The following TANK variants were observed in gnomAD, a reference collection of about 807,000 sequenced individuals.
TANK encodes the protein TRAF family member-associated NF-kappa-B activator.
TANK carries 15 observed loss-of-function variants against 43.6 expected under a neutral mutation model. The ratio of observed to expected loss-of-function variants is 0.34; its 90% CI spans 0.23 to 0.53. The LOEUF is 0.53. TANK is among the 20% of genes least tolerant of loss of function. The pLI, the probability that TANK is intolerant of heterozygous loss-of-function variation, is 0.94. For missense variants in TANK, 417 were observed against 498.6 expected, an observed-to-expected ratio of 0.84 and a Z score of 1.56; for synonymous variants, 162 against 178.2, an observed-to-expected ratio of 0.91 and a Z score of 0.73.
chr2:161,197,426 G>C (rs1302892727), intron 2 of TANK: 1 of 152,208 alleles, frequency 6.6e-6, no homozygotes, highest in Non-Finnish European at 1.5e-5. Flanking sequence ...AAATGACTGA[G>C]AGATCTGGCT....
intron 1 of TANK, among the ~76,000 whole-genome samples, chr2:161,178,986 C>T (rs1685298948): frequency 6.6e-6 from 1 of 152,204 alleles, no homozygotes; most frequent in South Asian, 2.1e-4. Flanking sequence ...GAGCAAATCA[C>T]CTGTATTCAG....
At chr2:161,223,780 G>T in intron 4 of TANK, 135 bp from the exon 5 acceptor site, 1 of 516,986 alleles carries the variant, frequency 1.9e-6, no homozygotes, top group East Asian at 3.0e-5. Flanking sequence ...ATTACATATA[G>T]GTCTATAAGC....
chr2:161,176,329 G>T (rs1362318993), intron 1 of TANK, among the ~76,000 whole-genome samples: 3 of 152,098 alleles, frequency 2.0e-5, no homozygotes, highest in Non-Finnish European at 4.4e-5. Context: ...CAGTGTTGCT[G>T]ATCTAACACC....
chr2:161,231,376 C>T lies in TANK; in HGVS notation c.926C>T (p.Thr309Ile). Residue 309 changes from threonine (T) to isoleucine (I), a missense_variant, in exon 7 of 8, where the codon ACA (threonine) becomes ATA (isoleucine). Physicochemically the swap from Thr to Ile is moderately conservative, Grantham distance 89. Coordinates refer to ENST00000392749, the MANE Select transcript of TANK (RefSeq NM_001199135.3). ...CAAAACCTTAAAACAACTGACAAAA[C>T]AAAGCCCTCAAATCTCGTAAACACT... Reference protein sequence around the residue: ...AIQNLKTTDKTKPSNLVNTCI... With the variant: ...AIQNLKTTDKIKPSNLVNTCI... 1 of 1,614,164 alleles carries T rather than the reference C, an allele frequency of 6.2e-7. No individual in the cohort carries two copies. The highest frequency in any genetic ancestry group is 1.1e-5 in the South Asian group (1 of 91,086).
At chr2:161,203,696 G>T in intron 3 of TANK, 101 bp downstream of exon 3, 1 of 687,974 alleles carries the variant, frequency 1.5e-6, no homozygotes, top group Non-Finnish European at 2.5e-6. Flanking sequence ...TTTCTCAATA[G>T]TTTTGATATT....
At chr2:161,188,323 C>G (rs1311356356) in intron 2 of TANK, among the ~76,000 whole-genome samples, 1 of 151,814 alleles carries the variant, frequency 6.6e-6, no homozygotes, top group Non-Finnish European at 1.5e-5. Context: ...AGAGGGAAGA[C>G]AAATAACTAA....
At chr2:161,198,838 A>G (rs1686274985) in intron 2 of TANK, among the ~76,000 whole-genome samples, 2 of 152,198 alleles carry the variant, frequency 1.3e-5, no homozygotes, top group Admixed American at 6.5e-5. Flanking sequence ...TAGATTGGAA[A>G]TCTGATCTGT....
At chr2:161,161,011 T>C (rs1391287174) in intron 1 of TANK, 7 of 486,198 alleles carry the variant, frequency 1.4e-5, no homozygotes, top group South Asian at 2.3e-5. Flanking sequence ...CAATGAGAAG[T>C]TGGGTAACTT....
upstream of TANK, chr2:161,156,272 A>G: frequency 9.1e-6 from 9 of 985,374 alleles, no homozygotes; most frequent in Non-Finnish European, 1.1e-5. Context: ...TTATTCTGCA[A>G]TACTGATTCC....
chr2:161,192,081 C>T (rs1464546039), intron 2 of TANK, among the ~76,000 whole-genome samples: 2 of 152,188 alleles, frequency 1.3e-5, no homozygotes, highest in African/African-American at 4.8e-5. Context: ...AGCCACCATG[C>T]CCAGCCCTTA....
chr2:161,214,922 A>C (rs1366765876), intron 4 of TANK, among the ~76,000 whole-genome samples: 1 of 152,194 alleles, frequency 6.6e-6, no homozygotes, highest in Non-Finnish European at 1.5e-5. Context: ...ATTAAAGGAG[A>C]GGCATATTGA....
chr2:161,172,420 A>G (rs1297562556), intron 1 of TANK, among the ~76,000 whole-genome samples: 1 of 140,766 alleles, frequency 7.1e-6, no homozygotes, highest in African/African-American at 2.7e-5. Context: ...AGGATGTACT[A>G]GTATCAGGAG....
intron 4 of TANK, chr2:161,212,073 T>G (rs1001539094): frequency 6.3e-6 from 5 of 797,326 alleles, no homozygotes; most frequent in Non-Finnish European, 6.1e-6. Flanking sequence ...CTTTTTTTTT[T>G]TTTTTGAGAC....
chr2:161,139,748 G>T (rs1256505057), intron 1 of TANK: 1 of 985,144 alleles, frequency 1.0e-6, no homozygotes, highest in East Asian at 1.1e-4. Context: ...AACAGAAAAA[G>T]AATGAAAACA....
intron 4 of TANK, 99 bp downstream of exon 4, chr2:161,204,892 G>T: frequency 6.5e-7 from 1 of 1,532,228 alleles, no homozygotes; most frequent in Non-Finnish European, 8.7e-7. Context: ...ATTCCAAACA[G>T]AAGTTCCATA....
intron 4 of TANK, among the ~76,000 whole-genome samples, chr2:161,205,371 A>G (rs1402134555): frequency 1.3e-5 from 2 of 152,036 alleles, no homozygotes; most frequent in Non-Finnish European, 2.9e-5. Context: ...ATATGTACAT[A>G]TATGTGTGTG....
At chr2:161,223,448 CT>C (rs1687454248) in intron 4 of TANK, 1 of 152,086 alleles carries the variant, frequency 6.6e-6, no homozygotes, top group Admixed American at 6.6e-5. Flanking sequence ...GGTTTTCTTT[CT>C]TCCTTTAATA....
chr2:161,197,798 C>T (rs2105333464), intron 2 of TANK, among the ~76,000 whole-genome samples: 1 of 152,234 alleles, frequency 6.6e-6, no homozygotes, highest in South Asian at 2.1e-4. Flanking sequence ...CTTAATACCT[C>T]CTAAAAGGCC....
chr2:161,193,293 G>A (rs1282105900), intron 2 of TANK, among the ~76,000 whole-genome samples: 1 of 152,194 alleles, frequency 6.6e-6, no homozygotes, highest in Non-Finnish European at 1.5e-5. Context: ...CTTTTACTAT[G>A]CTTACAGAAT....
Sources: allele counts gnomAD v4.1 joint callset (sites outside exome capture counted in the v4.1 genomes callset), GRCh38; gene constraint gnomAD v4.1.1; transcripts MANE v1.5; gene names NCBI Gene and HGNC (gene_info 2026-07-23, HGNC 2026-07-21).